The following STAG1 variants were observed in gnomAD, a reference collection of about 807,000 sequenced individuals.
STAG1 encodes cohesin subunit SA-1.
Under a neutral mutation model 170.9 loss-of-function variants are expected in STAG1, and 26 were observed. That is an observed-to-expected ratio of 0.15 (90% CI 0.11 to 0.21). STAG1 has a LOEUF of 0.21. STAG1 is among the 10% of genes least tolerant of loss of function. The probability of loss-of-function intolerance (pLI) is 1.00; values close to 1 mark genes in which losing one functional copy is unlikely to be tolerated. For missense variants in STAG1, 964 were observed against 1,509.5 expected (o/e 0.64, Z 5.99); for synonymous variants, 514 against 497.7 (o/e 1.03, Z -0.44).
At chr3:136,687,793 A>G (rs1020139646) in intron 1 of STAG1, among the ~76,000 whole-genome samples, 8 of 148,920 alleles carry the variant, frequency 5.4e-5, no homozygotes, top group Admixed American at 4.7e-4. Context: ...CTAGATTGCC[A>G]TGGCATGATA....
At chr3:136,478,839 G>T (rs1298951632) in intron 9 of STAG1, among the ~76,000 whole-genome samples, 1 of 152,094 alleles carries the variant, frequency 6.6e-6, no homozygotes, top group African/African-American at 2.4e-5. Context: ...AGGCTCTGGA[G>T]GAAGACATCC....
chr3:136,680,252 C>A (rs956593974), intron 1 of STAG1, among the ~76,000 whole-genome samples: 1 of 152,116 alleles, frequency 6.6e-6, no homozygotes, highest in African/African-American at 2.4e-5. Flanking sequence ...CAGAGCGAGA[C>A]CCTGTCTCAA....
chr3:136,551,208 T>TGAGAGAGAGAGAGAGA (rs57609965), intron 5 of STAG1, among the ~76,000 whole-genome samples: 12 of 44,470 alleles, frequency 2.7e-4, no homozygotes, highest in East Asian at 1.5e-3. Flanking sequence ...TGAGAGAGAG[T>TGAGAGAGAGAGAGAGA]GAGAGAGAGA....
intron 8 of STAG1, among the ~76,000 whole-genome samples, chr3:136,501,563 C>T (rs1933474485): frequency 6.6e-6 from 1 of 152,172 alleles, no homozygotes; most frequent in African/African-American, 2.4e-5. Context: ...AAGTCTGGAA[C>T]ACAACCTTCC....
At chr3:136,696,276 G>A (rs1232040539) in intron 1 of STAG1, among the ~76,000 whole-genome samples, 2 of 144,448 alleles carry the variant, frequency 1.4e-5, no homozygotes, top group African/African-American at 2.7e-5. Context: ...TCATTTTGGT[G>A]GCTGGGCTTG....
chr3:136,520,396 T>C lies in STAG1; in HGVS notation c.676+817A>G, dbSNP rs562048453. Among the ~76,000 whole-genome samples, 4 of 152,194 alleles carry C rather than the reference T, an allele frequency of 2.6e-5. No homozygotes were observed. The South Asian group carries it at 6.2e-4, about 24-fold the overall frequency. The stretch of plus-strand genomic sequence containing the variant: ...TTATTATGATAATAAGTAAGATGAA[T>C]ATAGGCAAAGTTACTGCTACTAAAA... On this transcript the variant is annotated intron_variant, in intron 7 of 33. Coordinates refer to ENST00000383202, the MANE Select transcript of STAG1 (RefSeq NM_005862.3).
intron 27 of STAG1, among the ~76,000 whole-genome samples, chr3:136,358,087 T>G (rs1936723204): frequency 7.4e-6 from 1 of 135,416 alleles, no homozygotes; most frequent in African/African-American, 3.0e-5. Flanking sequence ...GCTAAATTCG[T>G]ATTTTTTTTT....
At chr3:136,492,289 T>C (rs759564474) in intron 9 of STAG1, among the ~76,000 whole-genome samples, 1 of 152,228 alleles carries the variant, frequency 6.6e-6, no homozygotes, top group Non-Finnish European at 1.5e-5. Context: ...TACTAGTTTA[T>C]GCAAGGTCTG....
At chr3:136,511,581 G>A (rs983919045) in intron 7 of STAG1, among the ~76,000 whole-genome samples, 9 of 152,292 alleles carry the variant, frequency 5.9e-5, no homozygotes, top group Middle Eastern at 3.4e-3. Flanking sequence ...TCACTTATAA[G>A]TGGGAGCTAA....
chr3:136,498,233 T>TATATATATATATATATATACACAC, intron 9 of STAG1, among the ~76,000 whole-genome samples: 6 of 57,486 alleles, frequency 1.0e-4, no homozygotes, highest in Admixed American at 2.2e-4. Flanking sequence ...TATATATATA[T>TATATATATATATATATATACACAC]ACACATACAT....
At chr3:136,717,180 C>A (rs1024676813) in intron 1 of STAG1, among the ~76,000 whole-genome samples, 1 of 152,306 alleles carries the variant, frequency 6.6e-6, no homozygotes, top group South Asian at 2.1e-4. Context: ...CAAAAGAAAT[C>A]TACACACACT....
intron 7 of STAG1, among the ~76,000 whole-genome samples, chr3:136,506,937 G>C (rs954508729): frequency 1.3e-5 from 2 of 152,138 alleles, no homozygotes; most frequent in African/African-American, 4.8e-5. Context: ...ATACAGACAA[G>C]ATAGCCTTAC....
intron 7 of STAG1, among the ~76,000 whole-genome samples, chr3:136,508,282 T>A (rs2107878552): frequency 6.6e-6 from 1 of 152,246 alleles, no homozygotes; most frequent in South Asian, 2.1e-4. Flanking sequence ...ATAATCTCCT[T>A]TAAATAAAGG....
chr3:136,501,792 G>A (rs898624219), intron 8 of STAG1, among the ~76,000 whole-genome samples: 3 of 152,102 alleles, frequency 2.0e-5, no homozygotes, highest in Non-Finnish European at 4.4e-5. Flanking sequence ...TTCCTTTGCT[G>A]TAATGTGATA....
At chr3:136,642,463 G>A (rs1202161963) in intron 1 of STAG1, among the ~76,000 whole-genome samples, 1 of 151,484 alleles carries the variant, frequency 6.6e-6, no homozygotes, top group African/African-American at 2.4e-5. Flanking sequence ...GTGGAGACGG[G>A]GTTTCACCAT....
intron 1 of STAG1, among the ~76,000 whole-genome samples, chr3:136,714,029 AAACAAAAAAAG>A (rs1022599706): frequency 2.6e-5 from 4 of 151,988 alleles, no homozygotes; most frequent in African/African-American, 9.7e-5. Context: ...CTCTCAAAAA[AAACAAAAAAAG>A]AACAAAAAAT....
Position 136,338,531 on chromosome 3 carries a change from C to T in STAG1, c.3673-81G>A, listed in dbSNP as rs1402123419. 10 of 1,041,336 alleles carry T rather than the reference C, an allele frequency of 9.6e-6. No individual in the cohort carries two copies. In the East Asian group the frequency reaches 9.7e-5, roughly 10 times the overall value. The allele number at this position is 1,041,336 out of a possible 1,614,324, so 64.5% of individuals were successfully genotyped here. Reference sequence around the variant, plus strand: ...TGTGATAATCAGCTAATATTTCTGACAGTATCATAAATATATGGAACTGCT... The same window carrying T: ...TGTGATAATCAGCTAATATTTCTGATAGTATCATAAATATATGGAACTGCT... On this transcript the variant is annotated intron_variant, in intron 32 of 33. Transcript: ENST00000383202.
chr3:136,566,914 T>TA (rs1199529194), intron 5 of STAG1, among the ~76,000 whole-genome samples: 3 of 152,204 alleles, frequency 2.0e-5, no homozygotes, highest in Non-Finnish European at 2.9e-5. Flanking sequence ...CCTGTGTTTT[T>TA]AAAAATGAAG....
At chr3:136,719,747 A>T (rs995966203) in intron 1 of STAG1, among the ~76,000 whole-genome samples, 2 of 151,692 alleles carry the variant, frequency 1.3e-5, no homozygotes, top group African/African-American at 2.4e-5. Flanking sequence ...GTTTCAGCTA[A>T]ATACTTGACA....
Sources: allele counts gnomAD v4.1 joint callset (sites outside exome capture counted in the v4.1 genomes callset), GRCh38; gene constraint gnomAD v4.1.1; transcripts MANE v1.5; gene names NCBI Gene and HGNC (gene_info 2026-07-23, HGNC 2026-07-21).